The following TNS3 variants were observed in gnomAD, a reference collection of about 807,000 sequenced individuals.
TNS3 encodes the protein tensin-3.
A neutral mutation model predicts 140.9 loss-of-function variants in TNS3; 45 were observed. The ratio of observed to expected loss-of-function variants is 0.32; its 90% CI spans 0.25 to 0.41. The LOEUF is 0.41. TNS3 is among the 10% of genes least tolerant of loss of function. The pLI is 1.00. For synonymous variants in TNS3, 815 were observed against 788.4 expected (o/e 1.03, Z -0.56); for missense variants, 1,716 against 1,906.7 (o/e 0.90, Z 1.86).
intron 1 of TNS3, among the ~76,000 whole-genome samples, chr7:47,556,886 C>T (rs1212600476): frequency 2.0e-5 from 3 of 152,192 alleles, no homozygotes; most frequent in Non-Finnish European, 2.9e-5. Flanking sequence ...TGGCACCTGG[C>T]GATTCTCAAT....
intron 4 of TNS3, among the ~76,000 whole-genome samples, chr7:47,447,586 G>A (rs886758858): frequency 3.9e-5 from 6 of 152,068 alleles, no homozygotes; most frequent in African/African-American, 1.4e-4. Flanking sequence ...AGCAATCCAC[G>A]CATGGCACAC....
At chr7:47,502,445 G>C (rs747747494) in intron 3 of TNS3, among the ~76,000 whole-genome samples, 1 of 152,222 alleles carries the variant, frequency 6.6e-6, no homozygotes, top group African/African-American at 2.4e-5. Flanking sequence ...TCTAGGTCCC[G>C]TGTTTTCCAT....
At position 47,368,606 on chromosome 7, in the gene TNS3, T is replaced by C. The variant is rs200422624; in HGVS notation, c.2040A>G (p.Pro680=). The part of the protein sequence containing the change: ...PGDQVVNGAG[P]ELSTGPSPGS... ...CTGGGGAGGGGCCTGTGCTCAGCTC[T>C]GGGCCGGCTCCATTCACAACCTGGT... is the stretch of plus-strand genomic sequence containing the variant. The change falls in exon 17 of 31, where the codon CCA becomes CCG. Residue 680 remains proline (P), a synonymous_variant. Coordinates refer to ENST00000311160, the MANE Select transcript of TNS3 (RefSeq NM_022748.12). 46 of 1,589,132 alleles carry C rather than the reference T, an allele frequency of 2.9e-5. No individual in the cohort carries two copies. In the African/African-American group the frequency reaches 5.8e-4, roughly 20 times the overall value.
At chr7:47,313,703 T>C (rs919850993) in intron 20 of TNS3, among the ~76,000 whole-genome samples, 1 of 152,158 alleles carries the variant, frequency 6.6e-6, no homozygotes, top group Non-Finnish European at 1.5e-5. Flanking sequence ...GAAGACCCCA[T>C]GCCATGACTC....
chr7:47,300,112 T>A (rs1786304967), intron 23 of TNS3, among the ~76,000 whole-genome samples: 1 of 152,164 alleles, frequency 6.6e-6, no homozygotes, highest in Non-Finnish European at 1.5e-5. Context: ...TCTGGGTGTT[T>A]TTTTTCCTCC....
chr7:47,467,139 G>A (rs545983048), intron 4 of TNS3, among the ~76,000 whole-genome samples: 25 of 152,268 alleles, frequency 1.6e-4, no homozygotes, highest in African/African-American at 3.8e-4. Context: ...AGCCTGCCCC[G>A]GTGAAGTCCC....
chr7:47,359,465 T>C (rs1221863553), intron 17 of TNS3, among the ~76,000 whole-genome samples: 1 of 152,146 alleles, frequency 6.6e-6, no homozygotes, highest in Non-Finnish European at 1.5e-5. Flanking sequence ...TGAAACTAGA[T>C]AGTCATGATG....
chr7:47,339,942 G>T, intron 20 of TNS3, among the ~76,000 whole-genome samples: 1 of 121,174 alleles, frequency 8.3e-6, no homozygotes, highest in Admixed American at 9.8e-5. Context: ...ATTTTTTTGA[G>T]CTATTATAAG....
chr7:47,366,344 G>A (rs1292070401), intron 17 of TNS3, among the ~76,000 whole-genome samples: 1 of 152,154 alleles, frequency 6.6e-6, no homozygotes, highest in African/African-American at 2.4e-5. Context: ...CCCAGCACAT[G>A]ACATACAAAG....
At chr7:47,502,180 C>A (rs1056523704) in intron 3 of TNS3, among the ~76,000 whole-genome samples, 3 of 152,192 alleles carry the variant, frequency 2.0e-5, no homozygotes, top group African/African-American at 4.8e-5. Flanking sequence ...AGTTGTTTCA[C>A]CTCCCTGGGG....
intron 2 of TNS3, among the ~76,000 whole-genome samples, chr7:47,527,629 T>C (rs334527): frequency 0.29 from 43,636 of 152,058 alleles, 7,806 homozygotes; most frequent in East Asian, 0.43. Flanking sequence ...TTTGCAAGTA[T>C]GGGCTTAAAA....
chr7:47,453,317 G>T, intron 4 of TNS3: 1 of 935,012 alleles, frequency 1.1e-6, no homozygotes, highest in Non-Finnish European at 1.3e-6. Flanking sequence ...AAGCTGAGTG[G>T]CTGTGCCTTC....
chr7:47,304,006 T>C (rs1786591572), intron 21 of TNS3, among the ~76,000 whole-genome samples: 1 of 152,172 alleles, frequency 6.6e-6, no homozygotes, highest in African/African-American at 2.4e-5. Flanking sequence ...ACGTGTGCCC[T>C]CGGGAGTAGA....
chr7:47,443,477 C>T (rs1795570553), intron 4 of TNS3, among the ~76,000 whole-genome samples: 1 of 152,230 alleles, frequency 6.6e-6, no homozygotes, highest in Non-Finnish European at 1.5e-5. Context: ...AAGCCTTTCA[C>T]AGCTCAGACT....
At chr7:47,315,063 T>A (rs1191225530) in intron 20 of TNS3, among the ~76,000 whole-genome samples, 2 of 152,248 alleles carry the variant, frequency 1.3e-5, no homozygotes, top group African/African-American at 4.8e-5. Context: ...CACACAGGGA[T>A]GCTGTTTAGA....
intron 21 of TNS3, among the ~76,000 whole-genome samples, chr7:47,304,021 C>A (rs1165085535): frequency 3.9e-5 from 6 of 152,176 alleles, no homozygotes; most frequent in African/African-American, 1.4e-4. Flanking sequence ...AGTAGAAATG[C>A]CCTCCCGTCT....
chr7:47,395,050 C>T (rs534441097), intron 16 of TNS3, among the ~76,000 whole-genome samples: 1 of 152,244 alleles, frequency 6.6e-6, no homozygotes, highest in Non-Finnish European at 1.5e-5. Context: ...AGAACACCCA[C>T]CTGTGTTTTA....
intron 28 of TNS3, among the ~76,000 whole-genome samples, 161 bp from the exon 29 acceptor site, chr7:47,280,515 A>G (rs1785087879): frequency 1.3e-5 from 2 of 152,332 alleles, no homozygotes; most frequent in South Asian, 4.1e-4. Context: ...TGCTCATTCA[A>G]AGTCAACAGA....
At chr7:47,469,419 G>A (rs565533641) in intron 4 of TNS3, among the ~76,000 whole-genome samples, 1 of 152,302 alleles carries the variant, frequency 6.6e-6, no homozygotes, top group South Asian at 2.1e-4. Flanking sequence ...CGGCTAGGCT[G>A]CAGAGAAAAG....
Sources: allele counts gnomAD v4.1 joint callset (sites outside exome capture counted in the v4.1 genomes callset), GRCh38; gene constraint gnomAD v4.1.1; transcripts MANE v1.5; gene names NCBI Gene and HGNC (gene_info 2026-07-23, HGNC 2026-07-21).